ACE: variants seen among roughly 807,000 people sequenced by gnomAD.
ACE encodes angiotensin I converting enzyme, also known as angiotensin-converting enzyme.
In ACE, 122 loss-of-function variants were observed where a neutral mutation model predicts 162.3. The ratio of observed to expected loss-of-function variants is 0.75; its 90% CI spans 0.65 to 0.87. ACE has a LOEUF of 0.87. Ranked by LOEUF, ACE falls within the 40% of genes least tolerant of loss-of-function variation. The pLI, the probability that ACE is intolerant of heterozygous loss-of-function variation, is 0.00. For missense variants in ACE, 1,799 were observed against 1,735.1 expected (o/e 1.04, Z -0.65); for synonymous variants, 796 against 720.6 (o/e 1.10, Z -1.68).
At chr17:63,492,187 T>C (rs2030429084) in intron 19 of ACE, among the ~76,000 whole-genome samples, 1 of 152,176 alleles carries the variant, frequency 6.6e-6, no homozygotes, top group African/African-American at 2.4e-5. Context: ...GCGTGGAATC[T>C]GAGGTGGGCA....
At chr17:63,493,373 C>A in intron 19 of ACE, 63 bp from the exon 20 acceptor site, 1 of 1,515,242 alleles carries the variant, frequency 6.6e-7, no homozygotes, top group Non-Finnish European at 9.2e-7. Flanking sequence ...CCACTGTTCC[C>A]TTATGCCCAG....
chr17:63,494,565 T>G, intron 22 of ACE, 95 bp downstream of exon 22: 2 of 1,192,850 alleles, frequency 1.7e-6, no homozygotes, highest in African/African-American at 3.0e-5. Flanking sequence ...GCTCTGTCAG[T>G]CAGGGCAGAC....
At chr17:63,477,489 G>A in intron 1 of ACE, 146 bp downstream of exon 1, 1 of 565,280 alleles carries the variant, frequency 1.8e-6, no homozygotes, top group Non-Finnish European at 2.3e-6. Context: ...CAGCCGCGGG[G>A]CCCGAGCGCC....
intron 19 of ACE, among the ~76,000 whole-genome samples, chr17:63,493,019 C>T (rs1198305585): frequency 6.6e-6 from 1 of 152,210 alleles, no homozygotes; most frequent in Non-Finnish European, 1.5e-5. Context: ...ATCGCCCACT[C>T]TCACCCCTGA....
rs773941989 is a variant in ACE, at chr17:63,491,812, G to A, written c.2912+431G>A. Reference sequence around the variant, plus strand: ...GAAGCTGCCTTCCTTGGAGGATGGCGTTTTAGTTACCTATTGCTGTGCAAC... The same window carrying A: ...GAAGCTGCCTTCCTTGGAGGATGGCATTTTAGTTACCTATTGCTGTGCAAC... On this transcript the variant is annotated intron_variant, in intron 19 of 24. Coordinates refer to ENST00000290866, the MANE Select transcript of ACE (RefSeq NM_000789.4). This position sits in a 1 kb window ranked among gnomAD's most constrained non-coding sequence, Gnocchi z 4.4. Among the ~76,000 whole-genome samples the A allele has an allele frequency of 5.9e-5, 9 of 152,194 alleles. No individual in the cohort carries two copies. Among genetic ancestry groups the A allele is most frequent in the African/African-American group, 7.2e-5 (3 of 41,444 alleles).
chr17:63,496,266 G>T, intron 22 of ACE, 128 bp from the exon 23 acceptor site: 1 of 1,406,254 alleles, frequency 7.1e-7, no homozygotes, highest in South Asian at 1.2e-5. Flanking sequence ...CAGAGTTGGG[G>T]GGCCTTGGCT....
chr17:63,491,508 T>C lies in ACE; in HGVS notation c.2912+127T>C. On this transcript the variant is annotated intron_variant, in intron 19 of 24. Transcript: ENST00000290866. This position sits in a 1 kb window ranked among gnomAD's most constrained non-coding sequence, Gnocchi z 4.4. ...GCAGGATGGGGACAGGGCCAGAGTTTGGGACTGAGTGTCTAGAGAGGTGTT... is the reference window on the plus strand; with the variant it reads ...GCAGGATGGGGACAGGGCCAGAGTTCGGGACTGAGTGTCTAGAGAGGTGTT... 8.1e-7 allele frequency: 1 copy of C among 1,236,506 alleles called. No homozygotes were observed. Among genetic ancestry groups the C allele is most frequent in the Non-Finnish European group, 1.2e-6 (1 of 859,946 alleles). The allele number at this position is 1,236,506 out of a possible 1,614,324, so 76.6% of individuals were successfully genotyped here.
In ACE at chr17:63,479,045, C is replaced by G. The variant is rs751702761; in HGVS notation, c.456C>G (p.Ser152=). The change falls in exon 3 of 25, where the codon TCC becomes TCG. Residue 152 remains serine (S), a synonymous_variant. Coordinates refer to ENST00000290866, the MANE Select transcript of ACE (RefSeq NM_000789.4). The part of the protein sequence containing the change: ...ALLSNMSRIY[S]TAKVCLPNKT... ...TAAGCAACATGAGCAGGATCTACTCCACCGCCAAGGTCTGCCTCCCCAACA... is the reference window on the plus strand; with the variant it reads ...TAAGCAACATGAGCAGGATCTACTCGACCGCCAAGGTCTGCCTCCCCAACA... 20 of 1,613,594 alleles carry G rather than the reference C, an allele frequency of 1.2e-5. No homozygotes were observed. The African/African-American group carries it at 2.5e-4, about 20-fold the overall frequency.
chr17:63,488,595 ACAAG>A (rs759958206), intron 15 of ACE, 49 bp from the exon 16 acceptor site: 11 of 1,579,878 alleles, frequency 7.0e-6, no homozygotes, highest in Non-Finnish European at 8.6e-7. Context: ...AGCTCCCCTT[ACAAG>A]CAGAGGTGAG....
At chr17:63,477,656 T>TGTCACC (rs1277816308) in intron 1 of ACE, 3 of 488,106 alleles carry the variant, frequency 6.1e-6, no homozygotes, top group Non-Finnish European at 1.1e-5. Flanking sequence ...ACGCTGTCGC[T>TGTCACC]GTCACCGTCA....
At chr17:63,492,779 T>C (rs1170840571) in intron 19 of ACE, among the ~76,000 whole-genome samples, 1 of 152,184 alleles carries the variant, frequency 6.6e-6, no homozygotes, top group Non-Finnish European at 1.5e-5. Flanking sequence ...CTCAGCACTT[T>C]GGGAAGCCGA....
At chr17:63,477,364 GGGGGC>G (rs1241160018) in intron 1 of ACE, 21 bp downstream of exon 1, 2 of 1,252,886 alleles carry the variant, frequency 1.6e-6, no homozygotes, top group Non-Finnish European at 1.0e-6. Context: ...GGGCCCGGGC[GGGGGC>G]GGGGCGGGGC....
intron 1 of ACE, chr17:63,477,559 C>T (rs1038833692): frequency 1.8e-5 from 6 of 342,776 alleles, no homozygotes; most frequent in Non-Finnish European, 2.9e-5. Context: ...AGGGTGGCTG[C>T]TCCCAGGCCG....
At chr17:63,496,367 C>T in intron 22 of ACE, 27 bp from the exon 23 acceptor site, 2 of 1,614,002 alleles carry the variant, frequency 1.2e-6, no homozygotes, top group Non-Finnish European at 1.7e-6. Flanking sequence ...CAACTCCGCC[C>T]CGGGCCACGG....
chr17:63,485,740 A>C (rs892036734), intron 13 of ACE: 2 of 305,890 alleles, frequency 6.5e-6, no homozygotes, highest in Non-Finnish European at 6.2e-6. Flanking sequence ...GCACCACTGC[A>C]CTCCAGCCTG....
At chr17:63,478,884 G>C in intron 2 of ACE, 123 bp from the exon 3 acceptor site, 1 of 782,310 alleles carries the variant, frequency 1.3e-6, no homozygotes, top group Non-Finnish European at 2.2e-6. Context: ...GAAGTGCCCC[G>C]GTGCCACTGA....
Position 63,483,966 on chromosome 17 carries a change from G to A in ACE, c.1704G>A (p.Lys568=). Residue 568 remains lysine, a synonymous_variant, in exon 11 of 25, where the codon AAG becomes AAA. Coordinates refer to ENST00000290866, the MANE Select transcript of ACE (RefSeq NM_000789.4). ...ACCGGTCCACCAAGGCAGGGGCCAA[G>A]CTCCGGTGTGTGGTGGGAAGCCGGG... ...DIYRSTKAGA[K]LRKVLQAGSS... The A allele has an allele frequency of 6.2e-7, 1 of 1,613,626 alleles. No individual in the cohort carries two copies.
In ACE at chr17:63,491,417, C is replaced by G. The variant is rs754013101; in HGVS notation, c.2912+36C>G. The G allele has an allele frequency of 8.1e-6, 13 of 1,613,094 alleles. No individual in the cohort carries two copies. Among genetic ancestry groups the G allele is most frequent in the Non-Finnish European group, 1.0e-5 (12 of 1,179,598 alleles). On this transcript the variant is annotated intron_variant, in intron 19 of 24. Coordinates refer to ENST00000290866, the MANE Select transcript of ACE (RefSeq NM_000789.4). This position sits in a 1 kb window ranked among gnomAD's most constrained non-coding sequence, Gnocchi z 4.4. Reference sequence around the variant, plus strand: ...CTAGGGCTCAGGTCTCGTTCCTGAGCCCCACGGGCAAGGGAAATGAACCAA... The same window carrying G: ...CTAGGGCTCAGGTCTCGTTCCTGAGGCCCACGGGCAAGGGAAATGAACCAA...
intron 3 of ACE, 150 bp downstream of exon 3, chr17:63,479,250 A>C (rs1599138203): frequency 1.4e-6 from 1 of 717,378 alleles, no homozygotes; most frequent in Non-Finnish European, 2.5e-6. Flanking sequence ...CGGTGCAGAT[A>C]CCCCCACGCC....
Sources: gnomAD v4.1 joint callset for allele counts (sites outside exome capture counted in the v4.1 genomes callset) on GRCh38, gnomAD v4.1.1 for gene constraint, Gnocchi (gnomAD v3.1) non-coding constraint, MANE v1.5 for transcripts, NCBI Gene and HGNC (gene_info 2026-07-23, HGNC 2026-07-21) for gene names.